IFT88: variants seen among roughly 807,000 people sequenced by gnomAD.
IFT88 encodes intraflagellar transport 88, also known as intraflagellar transport protein 88 homolog.
Under a neutral mutation model 119.5 loss-of-function variants are expected in IFT88, and 74 were observed. The observed-to-expected ratio is 0.62, with a 90% CI of 0.51 to 0.75. The LOEUF is 0.75. Ranked by LOEUF, IFT88 falls within the 30% of genes least tolerant of loss-of-function variation. The probability of loss-of-function intolerance (pLI) is 0.00; values close to 1 mark genes in which losing one functional copy is unlikely to be tolerated. For missense variants in IFT88, 961 were observed against 977.7 expected (o/e 0.98, Z 0.23); for synonymous variants, 279 against 316.7 (o/e 0.88, Z 1.26).
chr13:20,627,973 C>A (rs1177595123), intron 15 of IFT88, among the ~76,000 whole-genome samples: 1 of 151,972 alleles, frequency 6.6e-6, no homozygotes, highest in Non-Finnish European at 1.5e-5. Context: ...GCTTTCTTTT[C>A]ATCATTGCTG....
chr13:20,607,635 T>C, intron 13 of IFT88: 1 of 864,500 alleles, frequency 1.2e-6, no homozygotes, highest in Non-Finnish European at 2.0e-6. Context: ...TTTTTTATGA[T>C]CCCCACCTGG....
chr13:20,586,543 C>T (rs79930330), intron 3 of IFT88, among the ~76,000 whole-genome samples: 1 of 4,972 alleles, frequency 2.0e-4, no homozygotes. Flanking sequence ...ACCTTGAGAT[C>T]AGGAGAAAAG....
At chr13:20,617,848 C>T (rs978487983) in intron 14 of IFT88, among the ~76,000 whole-genome samples, 15 of 152,130 alleles carry the variant, frequency 9.9e-5, no homozygotes, top group African/African-American at 3.6e-4. Flanking sequence ...GGCTGGAGCG[C>T]AGTAGTGTGA....
intron 13 of IFT88, chr13:20,607,498 G>A (rs2139348978): frequency 1.5e-6 from 1 of 686,336 alleles, no homozygotes; most frequent in East Asian, 2.6e-5. Flanking sequence ...TCACCAAGTT[G>A]TCTTTTGACA....
chr13:20,580,399 C>T (rs1249036617), intron 2 of IFT88, among the ~76,000 whole-genome samples: 1 of 152,058 alleles, frequency 6.6e-6, no homozygotes, highest in Non-Finnish European at 1.5e-5. Context: ...CACCTGTAAT[C>T]TCAGCTGCTT....
rs140683717 is a variant in IFT88 at position 20,688,309 on chromosome 13, C to G, written c.2243-2396C>G. Among the ~76,000 whole-genome samples, 1,459 of 152,250 alleles carry G rather than the reference C, an allele frequency of 9.6e-3. 6 individuals carry two copies. The highest frequency in any genetic ancestry group is 0.014 in the Non-Finnish European group (980 of 68,022). ...TTGCAGTGAGACAAGATCACACCAT[C>G]GCACTCCAGCTTGGGCAACAAGAGC... On this transcript the variant is annotated intron_variant, in intron 24 of 25. Coordinates refer to ENST00000351808, the MANE Select transcript of IFT88 (RefSeq NM_006531.5).
At chr13:20,672,516 T>C (rs2056064250) in intron 24 of IFT88, among the ~76,000 whole-genome samples, 1 of 152,158 alleles carries the variant, frequency 6.6e-6, no homozygotes, top group African/African-American at 2.4e-5. Flanking sequence ...CACACTCCAC[T>C]TTAATGGATC....
chr13:20,588,682 T>C (rs1412030377), intron 3 of IFT88, among the ~76,000 whole-genome samples: 8 of 152,202 alleles, frequency 5.3e-5, no homozygotes, highest in Non-Finnish European at 8.8e-5. Flanking sequence ...TATAGAACTT[T>C]TACATCACTA....
At chr13:20,687,872 A>G (rs533127920) in intron 24 of IFT88, among the ~76,000 whole-genome samples, 22 of 135,468 alleles carry the variant, frequency 1.6e-4, no homozygotes, top group Non-Finnish European at 3.0e-4. Flanking sequence ...AGGAGCTGGC[A>G]TTGCCTAGCT....
chr13:20,625,941 C>T lies in IFT88; in HGVS notation c.1299+92C>T, dbSNP rs141925177. On this transcript the variant is annotated intron_variant, in intron 15 of 25. Transcript: ENST00000351808. The stretch of plus-strand genomic sequence containing the variant: ...AAACTCCTTTCTAGAATAATGTTAT[C>T]TGTGATTATTCTGAAGTTGAATAAT... 432 of 466,772 alleles carry T rather than the reference C, an allele frequency of 9.3e-4. 1 individual carries two copies. Among genetic ancestry groups the T allele is most frequent in the African/African-American group, 7.2e-3 (345 of 48,022 alleles). The allele number at this position is 466,772 out of a possible 1,614,324, so 28.9% of individuals were successfully genotyped here. A position where few individuals can be genotyped will look rare whatever the true frequency, so the allele number is the denominator to read the frequency against.
At chr13:20,597,331 G>A (rs964876963) in intron 9 of IFT88, among the ~76,000 whole-genome samples, 1 of 152,088 alleles carries the variant, frequency 6.6e-6, no homozygotes, top group Admixed American at 6.5e-5. Context: ...TTTAGGCTGG[G>A]TGCAGTGACT....
Position 20,619,084 on chromosome 13 carries a change from C to T in IFT88, c.1199+3205C>T, listed in dbSNP as rs190953387. On this transcript the variant is annotated intron_variant, in intron 14 of 25. Coordinates refer to ENST00000351808, the MANE Select transcript of IFT88 (RefSeq NM_006531.5). ...TGTTAGCCAGGATGGTCTCGATCTC[C>T]TGACCTCGTGATCCACCTGCCTCGG... Among the ~76,000 whole-genome samples the T allele has an allele frequency of 9.2e-5, 14 of 152,206 alleles. No homozygotes were observed. In the East Asian group the frequency reaches 2.7e-3, roughly 29 times the overall value.
chr13:20,589,139 T>A (rs2040232359), intron 3 of IFT88, among the ~76,000 whole-genome samples: 1 of 152,226 alleles, frequency 6.6e-6, no homozygotes, highest in Non-Finnish European at 1.5e-5. Flanking sequence ...GGGTCTCTAA[T>A]GTATTCACAC....
chr13:20,598,596 T>C, intron 9 of IFT88, 55 bp from the exon 10 acceptor site: 1 of 1,000,090 alleles, frequency 1.0e-6, no homozygotes, highest in Non-Finnish European at 1.6e-6. Context: ...AGATTATAGG[T>C]GAAAGGGGCC....
At chr13:20,644,804 A>G (rs144998084) in intron 19 of IFT88, 39 bp from the exon 20 acceptor site, 1 of 846,348 alleles carries the variant, frequency 1.2e-6, no homozygotes, top group African/African-American at 1.7e-5. Context: ...ATATGTTGCC[A>G]TTGAAGTTGT....
chr13:20,601,631 C>A, intron 11 of IFT88, 74 bp from the exon 12 acceptor site: 7 of 940,236 alleles, frequency 7.4e-6, no homozygotes, highest in South Asian at 1.9e-5. Context: ...AAAAAGAAAA[C>A]TATTTGTGAA....
intron 3 of IFT88, among the ~76,000 whole-genome samples, chr13:20,588,958 G>A (rs1566093029): frequency 1.3e-5 from 2 of 152,156 alleles, no homozygotes; most frequent in Non-Finnish European, 2.9e-5. Flanking sequence ...CTCATCACCA[G>A]TGTTTATCCC....
At chr13:20,568,582 A>G (rs1330371178) in intron 1 of IFT88, among the ~76,000 whole-genome samples, 2 of 152,244 alleles carry the variant, frequency 1.3e-5, no homozygotes. Flanking sequence ...TATGGTTCAG[A>G]ATAGTGGTTC....
chr13:20,662,455 AG>A (rs1455678977), intron 22 of IFT88, among the ~76,000 whole-genome samples: 2 of 152,230 alleles, frequency 1.3e-5, no homozygotes, highest in Non-Finnish European at 2.9e-5. Flanking sequence ...TCATTTTATG[AG>A]GCCAGCATCA....
Sources: gnomAD v4.1 joint callset for allele counts (sites outside exome capture counted in the v4.1 genomes callset) on GRCh38, gnomAD v4.1.1 for gene constraint, MANE v1.5 for transcripts, NCBI Gene and HGNC (gene_info 2026-07-23, HGNC 2026-07-21) for gene names.